TTC8: variants seen among roughly 807,000 people sequenced by gnomAD.
TTC8 encodes the protein tetratricopeptide repeat protein 8.
A neutral mutation model predicts 72.5 loss-of-function variants in TTC8; 47 were observed. The ratio of observed to expected loss-of-function variants is 0.65; its 90% CI spans 0.51 to 0.83. The LOEUF is 0.83. TTC8 is among the 40% of genes least tolerant of loss of function. TTC8 has a pLI of 0.00. For missense variants in TTC8, 611 were observed against 623.2 expected, an observed-to-expected ratio of 0.98 and a Z score of 0.21; for synonymous variants, 199 against 221.4, an observed-to-expected ratio of 0.90 and a Z score of 0.90.
intron 1 of TTC8, among the ~76,000 whole-genome samples, chr14:88,826,177 A>G (rs2094699381): frequency 6.6e-6 from 1 of 151,204 alleles, no homozygotes; most frequent in African/African-American, 2.4e-5. Flanking sequence ...TTTAGTAGAG[A>G]CGGGATTTCA....
intron 7 of TTC8, among the ~76,000 whole-genome samples, chr14:88,851,872 G>GAGA (rs1438624970): frequency 4.6e-5 from 7 of 152,106 alleles, no homozygotes; most frequent in Admixed American, 4.6e-4. Flanking sequence ...CCTGGAGCAA[G>GAGA]AGAAGATGGG....
intron 7 of TTC8, among the ~76,000 whole-genome samples, chr14:88,851,390 G>T (rs2094832995): frequency 6.6e-6 from 1 of 152,162 alleles, no homozygotes; most frequent in Non-Finnish European, 1.5e-5. Flanking sequence ...GACCAACTAT[G>T]CAAGCAAAAC....
intron 2 of TTC8, among the ~76,000 whole-genome samples, chr14:88,836,320 A>G (rs985666033): frequency 1.3e-5 from 2 of 151,962 alleles, no homozygotes; most frequent in Admixed American, 1.3e-4. Context: ...GTGAGATCCC[A>G]TCTCTGCAAA....
chr14:88,862,970 C>T (rs972587032), intron 10 of TTC8, among the ~76,000 whole-genome samples: 1 of 151,122 alleles, frequency 6.6e-6, no homozygotes, highest in African/African-American at 2.4e-5. Context: ...AGTTGGTTTT[C>T]CTGGCCCTTT....
chr14:88,851,583 T>C lies in TTC8; in HGVS notation c.625-1388T>C, dbSNP rs73329006. On this transcript the variant is annotated intron_variant, in intron 7 of 14. Coordinates refer to ENST00000380656, the MANE Select transcript of TTC8 (RefSeq NM_144596.4). The stretch of plus-strand genomic sequence containing the variant: ...ACTTAAAATGTTTAGATATTTACCA[T>C]GTATGCCTGAATTAAGCTGGCTGAA... Among the ~76,000 whole-genome samples the C allele has an allele frequency of 7.1e-3, 1,079 of 152,314 alleles. 10 individuals are homozygous for C. The highest frequency in any genetic ancestry group is 0.025 in the African/African-American group (1,031 of 41,570).
chr14:88,861,734 G>A (rs140614680), intron 10 of TTC8, among the ~76,000 whole-genome samples: 61 of 152,166 alleles, frequency 4.0e-4, no homozygotes, highest in South Asian at 1.0e-3. Context: ...AGAACATGCG[G>A]CACTTTTCTT....
chr14:88,843,206 A>G (rs1433445627), intron 6 of TTC8, among the ~76,000 whole-genome samples: 1 of 152,200 alleles, frequency 6.6e-6, no homozygotes, highest in Non-Finnish European at 1.5e-5. Context: ...TAAAAAATAT[A>G]AGGTCAGGGC....
chr14:88,845,218 T>C (rs1385245533), intron 7 of TTC8, among the ~76,000 whole-genome samples: 1 of 151,948 alleles, frequency 6.6e-6, no homozygotes, highest in Non-Finnish European at 1.5e-5. Context: ...TGACAGAACT[T>C]GATGATAGAT....
chr14:88,851,420 C>T (rs2094833160), intron 7 of TTC8, among the ~76,000 whole-genome samples: 1 of 152,062 alleles, frequency 6.6e-6, no homozygotes, highest in East Asian at 1.9e-4. Flanking sequence ...GTAAGAAGCA[C>T]TAAATCTAAC....
At chr14:88,832,849 G>A (rs1053111839) in intron 1 of TTC8, among the ~76,000 whole-genome samples, 14 of 152,106 alleles carry the variant, frequency 9.2e-5, no homozygotes, top group South Asian at 2.1e-4. Context: ...TTCTCTAGTT[G>A]CTGTTTTGTG....
intron 10 of TTC8, 70 bp downstream of exon 10, chr14:88,861,402 A>T (rs996716100): frequency 1.8e-6 from 2 of 1,141,220 alleles, no homozygotes; most frequent in African/African-American, 3.1e-5. Flanking sequence ...GGTACATGTG[A>T]TATTTTAATT....
At chr14:88,838,181 G>A (rs889533794) in intron 2 of TTC8, among the ~76,000 whole-genome samples, 3 of 152,030 alleles carry the variant, frequency 2.0e-5, no homozygotes, top group African/African-American at 7.2e-5. Context: ...AATTACTTGA[G>A]CTCACAAAAG....
intron 13 of TTC8, among the ~76,000 whole-genome samples, chr14:88,874,399 A>C (rs1443547300): frequency 1.3e-5 from 2 of 152,128 alleles, no homozygotes; most frequent in Non-Finnish European, 2.9e-5. Flanking sequence ...CATGCTGCTC[A>C]GTGGTCTCTG....
At chr14:88,840,261 T>TAA in intron 3 of TTC8, 1 of 152,790 alleles carries the variant, frequency 6.5e-6, no homozygotes, top group Non-Finnish European at 1.4e-5. Flanking sequence ...TGACTAGCCT[T>TAA]AAAAAAAAAA....
rs1251983545 is a variant in TTC8 at position 88,835,069 on chromosome 14, C to A, written c.144+1347C>A. ...AAAGGAATGAGGCTATATACAATAACAATTCAGTATCTTGTGCCTAAGTTT... is the reference window on the plus strand; with the variant it reads ...AAAGGAATGAGGCTATATACAATAAAAATTCAGTATCTTGTGCCTAAGTTT... On this transcript the variant is annotated intron_variant, in intron 2 of 14. Transcript: ENST00000380656. Among the ~76,000 whole-genome samples, 6 of 152,132 alleles carry A rather than the reference C, an allele frequency of 3.9e-5. No homozygotes were observed. The East Asian group carries it at 1.2e-3, about 29-fold the overall frequency.
upstream of TTC8, chr14:88,824,356 C>G (rs934070802): frequency 3.4e-6 from 1 of 290,516 alleles, no homozygotes; most frequent in Non-Finnish European, 6.6e-6. Flanking sequence ...GCAGGGCAGG[C>G]AGAGCATTCG....
At position 88,833,550 on chromosome 14, in the gene TTC8, C is replaced by T. The variant is rs564279033; in HGVS notation, c.115-143C>T. 1.3e-3 allele frequency: 934 copies of T among 696,846 alleles called. 1 individual carries two copies. The highest frequency in any genetic ancestry group is 1.6e-3 in the Non-Finnish European group (646 of 392,082). The allele number at this position is 696,846 out of a possible 1,614,324, so 43.2% of individuals were successfully genotyped here. A position where few individuals can be genotyped will look rare whatever the true frequency, so the allele number is the denominator to read the frequency against. ...TTTTACACAACTCTTGAGAACACTT[C>T]TGTAGGAAGACTAAAGTTAATTTTT... On this transcript the variant is annotated intron_variant, in intron 1 of 14. Transcript: ENST00000380656.
At chr14:88,877,168 A>G in intron 14 of TTC8, 126 bp from the exon 15 acceptor site, 2 of 735,804 alleles carry the variant, frequency 2.7e-6, no homozygotes, top group Non-Finnish European at 4.6e-6. Context: ...GGGTTTGTTA[A>G]AAAAAAAAGA....
At chr14:88,872,542 A>C in intron 13 of TTC8, 90 bp downstream of exon 13, 1 of 1,570,208 alleles carries the variant, frequency 6.4e-7, no homozygotes, top group South Asian at 1.1e-5. Flanking sequence ...ATGTTATTTT[A>C]AAATGAGCTC....
Sources: gnomAD v4.1 joint callset for allele counts (sites outside exome capture counted in the v4.1 genomes callset) on GRCh38, gnomAD v4.1.1 for gene constraint, MANE v1.5 for transcripts, NCBI Gene and HGNC (gene_info 2026-07-23, HGNC 2026-07-21) for gene names.